The following ASB15 variants were observed in gnomAD, a reference collection of about 807,000 sequenced individuals.
ASB15 encodes the protein ankyrin repeat and SOCS box containing 15.
In ASB15, 54 loss-of-function variants were observed where a neutral mutation model predicts 58.0. That is an observed-to-expected ratio of 0.93 (90% CI 0.75 to 1.17). The LOEUF is 1.17. ASB15 is among the 50% of genes most tolerant of loss of function. The pLI, the probability that ASB15 is intolerant of heterozygous loss-of-function variation, is 0.00. For synonymous variants in ASB15, 249 were observed against 262.4 expected, an observed-to-expected ratio of 0.95 and a Z score of 0.50; for missense variants, 680 against 707.4, an observed-to-expected ratio of 0.96 and a Z score of 0.44.
intron 3 of ASB15, chr7:123,608,929 G>A (rs886573149): frequency 2.8e-5 from 4 of 144,206 alleles, no homozygotes; most frequent in East Asian, 2.0e-4. Context: ...ATGAGAATTC[G>A]TATTGTTTGG....
intron 11 of ASB15, among the ~76,000 whole-genome samples, chr7:123,635,859 T>C (rs144108263): frequency 1.2e-4 from 18 of 152,248 alleles, no homozygotes; most frequent in Admixed American, 7.2e-4. Flanking sequence ...GTTGCATCAA[T>C]AATTTTTGAG....
At chr7:123,621,263 T>TA (rs1801302913) in intron 7 of ASB15, 1 of 152,322 alleles carries the variant, frequency 6.6e-6, no homozygotes, top group East Asian at 1.9e-4. Flanking sequence ...TATTAGGAAG[T>TA]AATATATTTT....
chr7:123,618,064 C>CCATA (rs1800944497), intron 7 of ASB15, among the ~76,000 whole-genome samples: 1 of 152,086 alleles, frequency 6.6e-6, no homozygotes, highest in East Asian at 1.9e-4. Context: ...GTTGCATGTG[C>CCATA]CATATGTAGC....
intron 4 of ASB15, among the ~76,000 whole-genome samples, chr7:123,615,702 G>A (rs960254736): frequency 7.2e-5 from 11 of 152,136 alleles, no homozygotes; most frequent in Admixed American, 2.6e-4. Flanking sequence ...TTTAAAACTC[G>A]CATATGTAGT....
At chr7:123,574,521 C>T (rs559585510) in intron 1 of ASB15, among the ~76,000 whole-genome samples, 1 of 152,246 alleles carries the variant, frequency 6.6e-6, no homozygotes, top group South Asian at 2.1e-4. Flanking sequence ...GGGCTGTGAA[C>T]CACACTTTAA....
chr7:123,622,791 A>G (rs2116592977), intron 7 of ASB15: 1 of 152,306 alleles, frequency 6.6e-6, no homozygotes, highest in Non-Finnish European at 1.5e-5. Context: ...AATTCACTGT[A>G]ATTAGAGCTG....
At chr7:123,582,737 G>T (rs112014839) in intron 1 of ASB15, among the ~76,000 whole-genome samples, 108 of 152,068 alleles carry the variant, frequency 7.1e-4, no homozygotes, top group East Asian at 1.4e-3. Context: ...CCTCCTGGAA[G>T]CTAAGCATCA....
chr7:123,593,106 T>C (rs1482048260), intron 1 of ASB15, among the ~76,000 whole-genome samples: 2 of 152,160 alleles, frequency 1.3e-5, no homozygotes, highest in Non-Finnish European at 2.9e-5. Context: ...TGCTTTTTTT[T>C]TACTTTCCAT....
chr7:123,613,412 T>C (rs1800585987), intron 3 of ASB15, among the ~76,000 whole-genome samples: 1 of 152,224 alleles, frequency 6.6e-6, no homozygotes, highest in African/African-American at 2.4e-5. Flanking sequence ...AACTCAGCTA[T>C]AGAAATTTTA....
chr7:123,579,104 T>C (rs1219896905), intron 1 of ASB15, among the ~76,000 whole-genome samples: 1 of 152,038 alleles, frequency 6.6e-6, no homozygotes. Context: ...ATTGTATCCA[T>C]CTTTATGTCC....
At chr7:123,633,528 T>C (rs1802240349) in intron 11 of ASB15, among the ~76,000 whole-genome samples, 1 of 152,140 alleles carries the variant, frequency 6.6e-6, no homozygotes, top group Non-Finnish European at 1.5e-5. Context: ...AGAAATCCTG[T>C]AGTCCTGAAT....
intron 1 of ASB15, among the ~76,000 whole-genome samples, chr7:123,569,947 GT>G (rs1798861330): frequency 6.7e-6 from 1 of 148,388 alleles, no homozygotes; most frequent in Non-Finnish European, 1.5e-5. Context: ...TTATTATTAT[GT>G]TTTTGACTAA....
chr7:123,600,865 C>G (rs574378906), upstream of ASB15, among the ~76,000 whole-genome samples: 9 of 151,766 alleles, frequency 5.9e-5, no homozygotes, highest in Non-Finnish European at 1.0e-4. Flanking sequence ...AGAGATGAGA[C>G]GAAAAACAAA....
chr7:123,568,292 C>A (rs1420006384), intron 1 of ASB15, among the ~76,000 whole-genome samples: 1 of 151,848 alleles, frequency 6.6e-6, no homozygotes, highest in Non-Finnish European at 1.5e-5. Flanking sequence ...GCGGGCAGAT[C>A]GCCTGAGGTT....
At chr7:123,618,490 T>C (rs1434587459) in intron 7 of ASB15, among the ~76,000 whole-genome samples, 1 of 152,088 alleles carries the variant, frequency 6.6e-6, no homozygotes, top group Non-Finnish European at 1.5e-5. Flanking sequence ...AAAATGGAAA[T>C]ACAACACCTA....
chr7:123,574,566 C>G (rs966032233), intron 1 of ASB15, among the ~76,000 whole-genome samples: 1 of 152,142 alleles, frequency 6.6e-6, no homozygotes, highest in African/African-American at 2.4e-5. Context: ...TACATGTTAG[C>G]ACTCCAGTAC....
intron 1 of ASB15, among the ~76,000 whole-genome samples, chr7:123,594,266 G>A (rs1476268957): frequency 6.6e-6 from 1 of 152,034 alleles, no homozygotes; most frequent in Non-Finnish European, 1.5e-5. Flanking sequence ...ACCGACTTCT[G>A]AGGCCTACTT....
chr7:123,627,224 T>C lies in ASB15; in HGVS notation c.812T>C (p.Val271Ala). 6.2e-7 allele frequency: 1 copy of C among 1,614,008 alleles called. No individual in the cohort carries two copies. The highest frequency in any genetic ancestry group is 1.1e-5 in the South Asian group (1 of 91,078). Residue 271 changes from valine (V) to alanine (A), a missense_variant, in exon 9 of 12, where the codon GTA (valine) becomes GCA (alanine). Physicochemically the swap from Val to Ala is moderately conservative, Grantham distance 64. Coordinates refer to ENST00000451215, the MANE Select transcript of ASB15 (RefSeq NM_001290258.2). ...CTGGAATATGGAGGAAGCGGAAATG[T>C]ACCTAACCGAGCAGGACATCTTCCT... ...LLLEYGGSGN[V>A]PNRAGHLPIH...
chr7:123,620,495 C>A (rs1801165253), intron 7 of ASB15, among the ~76,000 whole-genome samples: 1 of 89,816 alleles, frequency 1.1e-5, no homozygotes, highest in Non-Finnish European at 2.0e-5. Flanking sequence ...AGTAATGTGA[C>A]ACATATACAT....
Sources: gnomAD v4.1 joint callset for allele counts (sites outside exome capture counted in the v4.1 genomes callset) on GRCh38, gnomAD v4.1.1 for gene constraint, MANE v1.5 for transcripts, NCBI Gene and HGNC (gene_info 2026-07-23, HGNC 2026-07-21) for gene names.